Variants in NUP214 observed in about 807,000 individuals in gnomAD.
NUP214 encodes nuclear pore complex protein Nup214.
Under a neutral mutation model 196.2 loss-of-function variants are expected in NUP214, and 79 were observed. The ratio of observed to expected loss-of-function variants is 0.40; its 90% CI spans 0.34 to 0.49. NUP214 has a LOEUF of 0.49. Among genes scored for constraint, NUP214 ranks in the 20% least tolerant of loss-of-function variants. The pLI, the probability that NUP214 is intolerant of heterozygous loss-of-function variation, is 0.58. For missense variants in NUP214, 2,468 were observed against 2,539.0 expected (o/e 0.97, Z 0.60); for synonymous variants, 1,020 against 990.5 (o/e 1.03, Z -0.56).
intron 12 of NUP214, 146 bp downstream of exon 12, chr9:131,144,900 C>A: frequency 3.2e-6 from 2 of 634,190 alleles, no homozygotes; most frequent in Non-Finnish European, 5.4e-6. Flanking sequence ...AAAATTCAAC[C>A]AACATAAAAT....
In NUP214 at chr9:131,195,111, T is replaced by C. The variant is rs1335402170; in HGVS notation, c.3660-122T>C. ...TAGGTGCTTTGACTCTGTTGTCATTTATCTTCTAGATTGTAAATTCCTGAG... is the reference window on the plus strand; with the variant it reads ...TAGGTGCTTTGACTCTGTTGTCATTCATCTTCTAGATTGTAAATTCCTGAG... On this transcript the variant is annotated intron_variant, in intron 27 of 35. Coordinates refer to ENST00000359428, the MANE Select transcript of NUP214 (RefSeq NM_005085.4). The C allele has an allele frequency of 8.7e-6, 6 of 687,180 alleles. No individual in the cohort carries two copies. The African/African-American group carries it at 1.1e-4, about 12-fold the overall frequency. The allele number at this position is 687,180 out of a possible 1,614,324, so 42.6% of individuals were successfully genotyped here.
chr9:131,202,273 C>T (rs1048807625), intron 30 of NUP214, among the ~76,000 whole-genome samples: 3 of 152,186 alleles, frequency 2.0e-5, no homozygotes, highest in Non-Finnish European at 4.4e-5. Flanking sequence ...TGACAAACTT[C>T]AGTCTGTGGG....
At chr9:131,166,594 AC>A (rs1832792171) in intron 21 of NUP214, among the ~76,000 whole-genome samples, 1 of 152,202 alleles carries the variant, frequency 6.6e-6, no homozygotes, top group Admixed American at 6.5e-5. Flanking sequence ...ATTGTGAAAA[AC>A]AACACACATT....
At chr9:131,193,629 C>CTTGTTTTTT (rs1833678099) in intron 27 of NUP214, among the ~76,000 whole-genome samples, 1 of 28,218 alleles carries the variant, frequency 3.5e-5, no homozygotes, top group Non-Finnish European at 6.5e-5. Flanking sequence ...TCTTCCTTTT[C>CTTGTTTTTT]TTTTTTTTTT....
rs922374003 is a variant in NUP214, at chr9:131,233,816, A to G, written c.*329A>G. On this transcript the variant is annotated 3_prime_UTR_variant, in exon 36 of 36. Coordinates refer to ENST00000359428, the MANE Select transcript of NUP214 (RefSeq NM_005085.4). ...AGAACACTGTGTCTTCAAGGATGGC[A>G]TCAGAAGTCACCAGCGTCGGGTGTT... 5 of 424,998 alleles carry G rather than the reference A, an allele frequency of 1.2e-5. No individual in the cohort carries two copies. Among genetic ancestry groups the G allele is most frequent in the Admixed American group, 3.7e-5 (1 of 27,020 alleles). 26.3% of individuals were successfully genotyped at this position (424,998 alleles called of 1,614,324 possible). A position where few individuals can be genotyped will look rare whatever the true frequency, so the allele number is the denominator to read the frequency against.
In NUP214 at chr9:131,125,597, C is replaced by T. The variant is rs942235733; in HGVS notation, c.-108C>T. On this transcript the variant is annotated 5_prime_UTR_variant, in exon 1 of 36. Coordinates refer to ENST00000359428, the MANE Select transcript of NUP214 (RefSeq NM_005085.4). This position sits in a 1 kb window ranked among gnomAD's most constrained non-coding sequence, Gnocchi z 4.1. Reference sequence around the variant, plus strand: ...CGCGCCGGAAATGCGAGGTCAACTGCGCGCCGCTGGCGCTGAGGGGAGGAA... The same window carrying T: ...CGCGCCGGAAATGCGAGGTCAACTGTGCGCCGCTGGCGCTGAGGGGAGGAA... 1.9e-6 allele frequency: 3 copies of T among 1,547,990 alleles called. No individual in the cohort carries two copies. Among genetic ancestry groups the T allele is most frequent in the Admixed American group, 2.0e-5 (1 of 50,612 alleles).
intron 29 of NUP214, among the ~76,000 whole-genome samples, chr9:131,200,878 A>G (rs116446061): frequency 1.7e-3 from 253 of 151,866 alleles, no homozygotes; most frequent in Middle Eastern, 6.8e-3. Context: ...AGAATGTGGT[A>G]TCTGAGATTC....
chr9:131,163,502 C>T lies in NUP214; in HGVS notation c.2723+329C>T, dbSNP rs990717905. ...AAATCAGCTGATAGGATTAAGTTGA[C>T]TGACTTGTTTCTGAAGCCCAGATTT... On this transcript the variant is annotated intron_variant, in intron 19 of 35. Coordinates refer to ENST00000359428, the MANE Select transcript of NUP214 (RefSeq NM_005085.4). Among the ~76,000 whole-genome samples the T allele has an allele frequency of 2.0e-5, 3 of 152,168 alleles. No homozygotes were observed. In the East Asian group the frequency reaches 5.8e-4, roughly 29 times the overall value.
intron 27 of NUP214, chr9:131,192,531 C>A: frequency 3.1e-6 from 1 of 321,894 alleles, no homozygotes; most frequent in Non-Finnish European, 5.6e-6. Context: ...TGTTTTTTAG[C>A]CTAAGCCTCA....
Position 131,134,959 on chromosome 9 carries a change from G to A in NUP214, c.893G>A (p.Cys298Tyr). The A allele has an allele frequency of 6.2e-7, 1 of 1,613,878 alleles. No individual in the cohort carries two copies. The highest frequency in any genetic ancestry group is 8.5e-7 in the Non-Finnish European group (1 of 1,179,862). Residue 298 changes from cysteine (C) to tyrosine (Y), a missense_variant, in exon 8 of 36, where the codon TGC (cysteine) becomes TAC (tyrosine). By Grantham distance (194) the Cys-to-Tyr change is radical. This residue lies in a region of NUP214 where 392 missense variants were observed against 417.9 expected (regional missense o/e 0.94). Coordinates refer to ENST00000359428, the MANE Select transcript of NUP214 (RefSeq NM_005085.4). Reference protein sequence around the residue: ...VNFMEPCYGSCTERQHHYYLS... With the variant: ...VNFMEPCYGSYTERQHHYYLS... ...TTTATGGAGCCCTGTTATGGCAGCT[G>A]CACGGAGAGACAGCATCATTACTAC...
chr9:131,201,337 C>T (rs987591635), intron 29 of NUP214, among the ~76,000 whole-genome samples: 2 of 151,426 alleles, frequency 1.3e-5, no homozygotes, highest in Admixed American at 6.6e-5. Flanking sequence ...CGTTGGGAGG[C>T]GGAGCTTGCA....
chr9:131,200,754 C>T (rs1833918263), intron 29 of NUP214, among the ~76,000 whole-genome samples: 1 of 151,850 alleles, frequency 6.6e-6, no homozygotes, highest in South Asian at 2.1e-4. Context: ...TGCCTTCTCA[C>T]TCCTTGTCTG....
Position 131,144,694 on chromosome 9 carries a change from T to C in NUP214, c.1709T>C (p.Ile570Thr). The C allele has an allele frequency of 1.9e-6, 3 of 1,614,066 alleles. No individual in the cohort carries two copies. The South Asian group carries it at 3.3e-5, about 18-fold the overall frequency. The change falls in exon 12 of 36, where the codon ATA becomes ACA. Residue 570 changes from isoleucine to threonine, a missense_variant. Ile to Thr is a moderately conservative substitution (Grantham distance 89). Around this residue, in one of 5 missense-constraint regions of NUP214, gnomAD observed 1,801 missense variants for 1,779.4 expected, o/e 1.01. Coordinates refer to ENST00000359428, the MANE Select transcript of NUP214 (RefSeq NM_005085.4). ...TPVPSVSAPN[I>T]AMKPSFPPST... Reference sequence around the variant, plus strand: ...GTGCCAAGTGTGTCTGCTCCAAATATAGCAATGAAGCCCTCCTTCCCACCC... The same window carrying C: ...GTGCCAAGTGTGTCTGCTCCAAATACAGCAATGAAGCCCTCCTTCCCACCC...
chr9:131,197,737 C>T lies in NUP214; in HGVS notation c.4243C>T (p.Pro1415Ser). ...CTCAACTGCCGTTTTTGGCAGTCTG[C>T]CAGTCACCAGTGCAGGATCCTCTGG... ...TSSTAVFGSL[P>S]VTSAGSSGVI... The change falls in exon 29 of 36, where the codon CCA (proline) becomes TCA (serine). Residue 1415 changes from proline to serine, a missense_variant. By Grantham distance (74) the Pro-to-Ser change is moderately conservative (BLOSUM62 -1). Transcript: ENST00000359428. 6.2e-7 allele frequency: 1 copy of T among 1,614,216 alleles called. No homozygotes were observed. The highest frequency in any genetic ancestry group is 8.5e-7 in the Non-Finnish European group (1 of 1,180,028).
At chr9:131,209,328 C>T (rs1834171892) in intron 30 of NUP214, among the ~76,000 whole-genome samples, 1 of 152,184 alleles carries the variant, frequency 6.6e-6, no homozygotes, top group Non-Finnish European at 1.5e-5. Context: ...CTGCAGTGAG[C>T]TATGTTCCTA....
In NUP214 at chr9:131,197,686, G is replaced by C. The variant is rs373317768; in HGVS notation, c.4192G>C (p.Ala1398Pro). 6.2e-7 allele frequency: 1 copy of C among 1,614,044 alleles called. No homozygotes were observed. Among genetic ancestry groups the C allele is most frequent in the African/African-American group, 1.3e-5 (1 of 74,910 alleles). Residue 1398 changes from alanine to proline, a missense_variant, in exon 29 of 36, where the codon GCA (alanine) becomes CCA (proline). Coordinates refer to ENST00000359428, the MANE Select transcript of NUP214 (RefSeq NM_005085.4). The stretch of plus-strand genomic sequence containing the variant: ...ATCCTCTGCAACCACCACCTCAGTA[G>C]CACCACCAGCAGCCACCAGCACTTC... Reference protein sequence around the residue: ...VTSSATTTSVAPPAATSTSST... With the variant: ...VTSSATTTSVPPPAATSTSST...
chr9:131,203,653 G>T (rs975833401), intron 30 of NUP214, among the ~76,000 whole-genome samples: 1 of 152,088 alleles, frequency 6.6e-6, no homozygotes, highest in Non-Finnish European at 1.5e-5. Context: ...CCAGTTTCTG[G>T]TAGTAGAGGA....
intron 21 of NUP214, among the ~76,000 whole-genome samples, chr9:131,172,161 G>C (rs1225241356): frequency 1.3e-5 from 2 of 150,500 alleles, no homozygotes; most frequent in Non-Finnish European, 3.0e-5. Context: ...CTAGTTTACA[G>C]TCCCACCAAC....
rs1237662648 is a variant in NUP214 at position 131,233,957 on chromosome 9, C to G, written c.*470C>G. The G allele has an allele frequency of 3.3e-6, 1 of 306,894 alleles. No homozygotes were observed. Among genetic ancestry groups the G allele is most frequent in the Admixed American group, 4.7e-5 (1 of 21,124 alleles). 19.0% of individuals were successfully genotyped at this position (306,894 alleles called of 1,614,324 possible). On this transcript the variant is annotated 3_prime_UTR_variant, in exon 36 of 36. Transcript: ENST00000359428. ...AGGCTGAAACTTGGTTATCTCCTCT[C>G]CTTGTTCTTTTAGCCATTGTGTATC...
Sources: gnomAD v4.1 joint callset for allele counts (sites outside exome capture counted in the v4.1 genomes callset) on GRCh38, gnomAD v4.1.1 for gene constraint, gnomAD v4.1.1 regional missense constraint, Gnocchi (gnomAD v3.1) non-coding constraint, MANE v1.5 for transcripts, NCBI Gene and HGNC (gene_info 2026-07-23, HGNC 2026-07-21) for gene names.